Variants in FBXO47 observed in about 807,000 individuals in gnomAD.
FBXO47 encodes F-box only protein 47.
FBXO47 carries 34 observed loss-of-function variants against 53.9 expected under a neutral mutation model. That is an observed-to-expected ratio of 0.63 (90% CI 0.48 to 0.84). The LOEUF (loss-of-function observed/expected upper bound fraction) is 0.84, where lower values mean the gene tolerates loss of function less well. FBXO47 is among the 40% of genes least tolerant of loss of function. The pLI, the probability that FBXO47 is intolerant of heterozygous loss-of-function variation, is 0.00. For synonymous variants in FBXO47, 165 were observed against 181.6 expected (o/e 0.91, Z 0.73); for missense variants, 485 against 541.3 (o/e 0.90, Z 1.03).
intron 6 of FBXO47, among the ~76,000 whole-genome samples, chr17:38,950,180 C>T (rs1419715340): frequency 2.0e-5 from 3 of 152,048 alleles, no homozygotes; most frequent in African/African-American, 7.2e-5. Flanking sequence ...TCCCCACTCC[C>T]CCCTCCCCTC....
intron 3 of FBXO47, among the ~76,000 whole-genome samples, chr17:38,959,501 AC>A (rs1170141370): frequency 6.9e-6 from 1 of 145,648 alleles, no homozygotes; most frequent in Admixed American, 7.2e-5. Flanking sequence ...AATCGCTTGA[AC>A]CCAGGAGGCA....
At chr17:38,965,975 T>C (rs1484897334) in intron 1 of FBXO47, among the ~76,000 whole-genome samples, 2 of 151,934 alleles carry the variant, frequency 1.3e-5, no homozygotes, top group African/African-American at 4.8e-5. Flanking sequence ...AACACTTTGG[T>C]TTATATAATT....
chr17:38,943,076 TTCAG>T (rs1198382531), intron 8 of FBXO47, among the ~76,000 whole-genome samples, 156 bp from the exon 9 acceptor site: 1 of 152,186 alleles, frequency 6.6e-6, no homozygotes, highest in Non-Finnish European at 1.5e-5. Context: ...AATTATGGCA[TTCAG>T]TCAGAGACAG....
intron 6 of FBXO47, among the ~76,000 whole-genome samples, chr17:38,948,823 T>G (rs1044620508): frequency 2.0e-5 from 3 of 152,036 alleles, no homozygotes; most frequent in Non-Finnish European, 4.4e-5. Context: ...GTTACATAGG[T>G]ATACATGTGC....
Position 38,957,109 on chromosome 17 carries a change from A to G in FBXO47, c.429+68T>C, listed in dbSNP as rs1020776686. ...TCTACTAATATAGAGTAAAATGAGC[A>G]TAAGATAATAATAAAATATCTTTAC... On this transcript the variant is annotated intron_variant, in intron 4 of 10. Transcript: ENST00000378079. The G allele has an allele frequency of 3.3e-5, 34 of 1,042,506 alleles. No homozygotes were observed. The African/African-American group carries it at 4.9e-4, about 15-fold the overall frequency. The allele number at this position is 1,042,506 out of a possible 1,614,324, so 64.6% of individuals were successfully genotyped here. A position where few individuals can be genotyped will look rare whatever the true frequency, so the allele number is the denominator to read the frequency against.
intron 6 of FBXO47, among the ~76,000 whole-genome samples, chr17:38,946,006 T>A (rs1409100745): frequency 7.7e-6 from 1 of 130,438 alleles, no homozygotes; most frequent in African/African-American, 2.9e-5. Context: ...TATATATAAA[T>A]ACATAAATAT....
chr17:38,939,749 G>A (rs1904425477), intron 9 of FBXO47, among the ~76,000 whole-genome samples: 1 of 133,882 alleles, frequency 7.5e-6, no homozygotes, highest in Non-Finnish European at 1.5e-5. Flanking sequence ...CTCACTGCAA[G>A]CTCCGCTTCC....
intron 6 of FBXO47, among the ~76,000 whole-genome samples, chr17:38,951,220 G>T (rs2143933871): frequency 6.6e-6 from 1 of 151,476 alleles, no homozygotes; most frequent in Middle Eastern, 3.4e-3. Flanking sequence ...TATCGAGACA[G>T]GGTCACACTC....
intron 3 of FBXO47, among the ~76,000 whole-genome samples, chr17:38,960,179 G>C (rs1254054735): frequency 6.6e-6 from 1 of 151,720 alleles, no homozygotes; most frequent in African/African-American, 2.4e-5. Context: ...CATGCCTGTA[G>C]TTTCAGATAC....
Position 38,962,977 on chromosome 17 carries a change from G to A in FBXO47, c.49C>T (p.Leu17Phe). ...TNFTLIPNQK[L>F]RRSNRQTSCY... ...CTGGTTTGACGATTACTACGTCTAA[G>A]TTTCTGGTTGGGAATCAAAGTGAAA... Residue 17 changes from leucine to phenylalanine, a missense_variant, in exon 2 of 11, where the codon CTT becomes TTT. By Grantham distance (22) the Leu-to-Phe change is conservative. Transcript: ENST00000378079. 2 of 1,612,128 alleles carry A rather than the reference G, an allele frequency of 1.2e-6. No homozygotes were observed. The highest frequency in any genetic ancestry group is 1.1e-5 in the South Asian group (1 of 90,908).
At position 38,960,311 on chromosome 17, in the gene FBXO47, C is replaced by T. The variant is rs75751908; in HGVS notation, c.352+1566G>A. Among the ~76,000 whole-genome samples the T allele has an allele frequency of 7.3e-3, 1,098 of 151,044 alleles. 30 individuals carry two copies. The highest frequency in any genetic ancestry group is 0.058 in the East Asian group (292 of 5,066). On this transcript the variant is annotated intron_variant, in intron 3 of 10. Coordinates refer to ENST00000378079, the MANE Select transcript of FBXO47 (RefSeq NM_001008777.3). ...ACAATAATAGATCAGGTAAGAATGA[C>T]GATATGAGAAAATGGTAAGTATATC...
intron 3 of FBXO47, among the ~76,000 whole-genome samples, chr17:38,958,472 GA>G (rs148326204): frequency 0.041 from 5,681 of 137,630 alleles, 379 homozygotes; most frequent in African/African-American, 0.14. Flanking sequence ...ACTTTAAAAA[GA>G]AAAAAAAAAA....
chr17:38,946,794 A>C (rs62648791), intron 6 of FBXO47, among the ~76,000 whole-genome samples: 1,347 of 80,250 alleles, frequency 0.017, 72 homozygotes, highest in East Asian at 0.053. Flanking sequence ...ATATAAATAT[A>C]TATAGATATA....
chr17:38,938,415 C>T (rs1904349266), intron 10 of FBXO47, among the ~76,000 whole-genome samples, 158 bp downstream of exon 10: 1 of 151,820 alleles, frequency 6.6e-6, no homozygotes, highest in Admixed American at 6.6e-5. Flanking sequence ...AGTCCGCTTC[C>T]TCTACTTATT....
At chr17:38,946,026 AAAATATATAT>A (rs1335334939) in intron 6 of FBXO47, among the ~76,000 whole-genome samples, 9 of 134,702 alleles carry the variant, frequency 6.7e-5, no homozygotes, top group Non-Finnish European at 1.4e-4. Flanking sequence ...TAAAAATATA[AAAATATATAT>A]AAATATATAT....
At chr17:38,940,488 C>G (rs1265256036) in intron 9 of FBXO47, among the ~76,000 whole-genome samples, 1 of 151,830 alleles carries the variant, frequency 6.6e-6, no homozygotes, top group Non-Finnish European at 1.5e-5. Context: ...CCACAAAACC[C>G]TTCCTTACCT....
chr17:38,946,303 T>G (rs1303347122), intron 6 of FBXO47, among the ~76,000 whole-genome samples: 1 of 51,598 alleles, frequency 1.9e-5, no homozygotes, highest in Non-Finnish European at 3.8e-5. Context: ...TAAAAATATA[T>G]ATAAATATAT....
At position 38,939,774 on chromosome 17, in the gene FBXO47, TCTC is replaced by T. The variant is rs1187491300; in HGVS notation, c.1084-1045_1084-1043del. ...GCTCCGCTTCCCGGGTTCACGCCAT[TCTC>T]CTGCCTCAGCCTCCCGAGTAGCTGG... On this transcript the variant is annotated intron_variant, in intron 9 of 10. Coordinates refer to ENST00000378079, the MANE Select transcript of FBXO47 (RefSeq NM_001008777.3). 2.7e-5 allele frequency among the ~76,000 whole-genome samples: 4 copies of T among 148,544 alleles called. No homozygotes were observed. The East Asian group carries it at 8.0e-4, about 30-fold the overall frequency.
At chr17:38,946,402 ATATATAGATATATATATAAC>A (rs1567716736) in intron 6 of FBXO47, among the ~76,000 whole-genome samples, 9 of 95,730 alleles carry the variant, frequency 9.4e-5, no homozygotes, top group Non-Finnish European at 1.6e-4. Flanking sequence ...CTATATATAA[ATATATAGATATATATATAAC>A]TATATAAATA....
Sources: allele counts gnomAD v4.1 joint callset (sites outside exome capture counted in the v4.1 genomes callset), GRCh38; gene constraint gnomAD v4.1.1; transcripts MANE v1.5; gene names NCBI Gene and HGNC (gene_info 2026-07-23, HGNC 2026-07-21).